GMDS: variants seen among roughly 807,000 people sequenced by gnomAD.
GMDS encodes the protein GDP-mannose 4,6 dehydratase.
A neutral mutation model predicts 49.9 loss-of-function variants in GMDS; 20 were observed. The observed-to-expected ratio is 0.40, with a 90% CI of 0.28 to 0.58. The LOEUF is 0.58. Among genes scored for constraint, GMDS ranks in the 20% least tolerant of loss-of-function variants. The probability of loss-of-function intolerance (pLI) is 0.42; values close to 1 mark genes in which losing one functional copy is unlikely to be tolerated. For missense variants in GMDS, 362 were observed against 481.4 expected (o/e 0.75, Z 2.32); for synonymous variants, 177 against 178.6 (o/e 0.99, Z 0.07).
intron 1 of GMDS, among the ~76,000 whole-genome samples, chr6:2,153,884 C>T (rs534872946): frequency 3.9e-5 from 6 of 152,108 alleles, no homozygotes; most frequent in African/African-American, 7.2e-5. Flanking sequence ...CAGAATATAA[C>T]GTTTACAGAA....
intron 1 of GMDS, among the ~76,000 whole-genome samples, chr6:2,183,437 T>G (rs1172523987): frequency 6.6e-6 from 1 of 152,202 alleles, no homozygotes; most frequent in African/African-American, 2.4e-5. Flanking sequence ...AGGACTGAAT[T>G]GCTGCAATAT....
chr6:1,809,012 G>A (rs1770300260), intron 7 of GMDS, among the ~76,000 whole-genome samples: 1 of 151,858 alleles, frequency 6.6e-6, no homozygotes, highest in South Asian at 2.1e-4. Flanking sequence ...GAAATTTTAG[G>A]TCCTTATCTT....
At chr6:2,076,543 G>A (rs535496135) in intron 4 of GMDS, among the ~76,000 whole-genome samples, 3 of 152,128 alleles carry the variant, frequency 2.0e-5, no homozygotes, top group Non-Finnish European at 4.4e-5. Flanking sequence ...AAACAGCATG[G>A]TACTGGTACC....
intron 6 of GMDS, among the ~76,000 whole-genome samples, chr6:1,936,554 A>G (rs746545618): frequency 1.3e-5 from 2 of 152,192 alleles, no homozygotes; most frequent in Non-Finnish European, 2.9e-5. Flanking sequence ...TGAAGACACC[A>G]CCTGCCCCTT....
At chr6:1,821,647 A>G (rs1770907506) in intron 7 of GMDS, among the ~76,000 whole-genome samples, 1 of 144,678 alleles carries the variant, frequency 6.9e-6, no homozygotes, top group South Asian at 2.2e-4. Flanking sequence ...TTACCAAGAT[A>G]AAAATCATGC....
intron 7 of GMDS, among the ~76,000 whole-genome samples, chr6:1,872,446 C>G (rs1452975585): frequency 6.6e-6 from 1 of 152,240 alleles, no homozygotes; most frequent in Non-Finnish European, 1.5e-5. Flanking sequence ...AGTAACTAGA[C>G]TCCTTTTAGC....
At chr6:1,698,387 T>C (rs1765417484) in intron 9 of GMDS, among the ~76,000 whole-genome samples, 1 of 152,300 alleles carries the variant, frequency 6.6e-6, no homozygotes. Flanking sequence ...CCTCCACCCG[T>C]GTGGTCCAAA....
chr6:2,132,331 A>C (rs1381233406), intron 1 of GMDS, among the ~76,000 whole-genome samples: 1 of 152,170 alleles, frequency 6.6e-6, no homozygotes, highest in Non-Finnish European at 1.5e-5. Flanking sequence ...TCAAACACCC[A>C]TTTGGACCAT....
At chr6:1,945,064 C>A (rs1470269035) in intron 6 of GMDS, among the ~76,000 whole-genome samples, 1 of 152,082 alleles carries the variant, frequency 6.6e-6, no homozygotes, top group Non-Finnish European at 1.5e-5. Context: ...GGGTCAGACT[C>A]CAAGAACAAG....
At chr6:1,875,070 A>T (rs1473559701) in intron 7 of GMDS, among the ~76,000 whole-genome samples, 1 of 152,136 alleles carries the variant, frequency 6.6e-6, no homozygotes, top group Non-Finnish European at 1.5e-5. Context: ...GTTTCTTCTC[A>T]TTTGGAAAAC....
chr6:2,163,831 G>A (rs1430201116), intron 1 of GMDS, among the ~76,000 whole-genome samples: 1 of 152,166 alleles, frequency 6.6e-6, no homozygotes, highest in Non-Finnish European at 1.5e-5. Context: ...CCAATTCAGT[G>A]ACTACAGCTC....
intron 9 of GMDS, among the ~76,000 whole-genome samples, chr6:1,712,265 C>T (rs925190135): frequency 1.3e-5 from 2 of 152,198 alleles, no homozygotes; most frequent in Non-Finnish European, 2.9e-5. Context: ...ATCATAAGAT[C>T]TCAACATGCT....
At chr6:1,790,436 A>T (rs1769491606) in intron 7 of GMDS, among the ~76,000 whole-genome samples, 1 of 152,232 alleles carries the variant, frequency 6.6e-6, no homozygotes, top group African/African-American at 2.4e-5. Context: ...TAACTTGTTC[A>T]GATTCACACA....
At chr6:2,063,611 T>G (rs1771325775) in intron 4 of GMDS, among the ~76,000 whole-genome samples, 4 of 152,236 alleles carry the variant, frequency 2.6e-5, no homozygotes, top group Admixed American at 2.6e-4. Context: ...AGTTAAAACC[T>G]TTATGAGGCT....
At chr6:1,999,605 G>A (rs1382052011) in intron 4 of GMDS, among the ~76,000 whole-genome samples, 1 of 151,104 alleles carries the variant, frequency 6.6e-6, no homozygotes, top group Non-Finnish European at 1.5e-5. Flanking sequence ...GGACTCAACT[G>A]GAGGTAGAAT....
chr6:1,645,225 C>T (rs1300863767), intron 9 of GMDS, among the ~76,000 whole-genome samples: 2 of 152,160 alleles, frequency 1.3e-5, no homozygotes, highest in African/African-American at 2.4e-5. Flanking sequence ...TGAGCCACCG[C>T]GCCCAGCCTG....
At chr6:1,755,895 C>T (rs541461942) in intron 7 of GMDS, among the ~76,000 whole-genome samples, 28 of 152,262 alleles carry the variant, frequency 1.8e-4, no homozygotes, top group Admixed American at 7.2e-4. Flanking sequence ...GAAACAAAAG[C>T]CATAATTGAC....
chr6:1,760,359 A>AG (rs1027229203), intron 7 of GMDS, among the ~76,000 whole-genome samples: 6 of 152,184 alleles, frequency 3.9e-5, no homozygotes, highest in Non-Finnish European at 7.4e-5. Context: ...AGGGAGCTCC[A>AG]GGGGGGATAA....
chr6:2,036,738 C>G (rs1247980436), intron 4 of GMDS, among the ~76,000 whole-genome samples: 1 of 152,146 alleles, frequency 6.6e-6, no homozygotes, highest in Non-Finnish European at 1.5e-5. Flanking sequence ...GAAGCATATT[C>G]TATGGGAAAA....
Sources: gnomAD v4.1 joint callset for allele counts (sites outside exome capture counted in the v4.1 genomes callset) on GRCh38, gnomAD v4.1.1 for gene constraint, MANE v1.5 for transcripts, NCBI Gene and HGNC (gene_info 2026-07-23, HGNC 2026-07-21) for gene names.